Variants in CRTAM observed in about 807,000 individuals in gnomAD.
CRTAM encodes the protein cytotoxic and regulatory T-cell molecule.
A neutral mutation model predicts 50.0 loss-of-function variants in CRTAM; 44 were observed. That is an observed-to-expected ratio of 0.88 (90% CI 0.69 to 1.13). The LOEUF is 1.13. Among genes scored for constraint, CRTAM ranks in the 50% most tolerant of loss-of-function variants. The pLI is 0.00. For synonymous variants in CRTAM, 159 were observed against 169.3 expected (o/e 0.94, Z 0.47); for missense variants, 448 against 457.5 (o/e 0.98, Z 0.19).
intron 1 of CRTAM, among the ~76,000 whole-genome samples, chr11:122,844,485 T>C (rs1428663643): frequency 6.6e-6 from 1 of 152,244 alleles, no homozygotes; most frequent in Non-Finnish European, 1.5e-5. Flanking sequence ...TATTCTATCA[T>C]TGATTCCATG....
At chr11:122,861,735 C>A (rs1862085442) in intron 5 of CRTAM, among the ~76,000 whole-genome samples, 1 of 151,968 alleles carries the variant, frequency 6.6e-6, no homozygotes, top group Non-Finnish European at 1.5e-5. Flanking sequence ...GCCACTGTGC[C>A]CACCCGACAT....
rs1017473575 is a variant in CRTAM at position 122,871,346 on chromosome 11, C to T, written c.1129C>T (p.Gln377Ter). ...AAAAACAAAGAGGAAGGAAAATGTA[C>T]AACATTCAAAATTAGAAGAAAAGCA... ...EAKTKRKENV[Q>*]HSKLEEKHIQ... The change falls in exon 10 of 10, where the codon CAA becomes TAA. Residue 377 changes from glutamine to a stop codon, truncating the protein, a stop_gained. Transcript: ENST00000227348. LOFTEE classifies it high-confidence loss of function. 1.9e-6 allele frequency: 3 copies of T among 1,613,354 alleles called. No homozygotes were observed. Among genetic ancestry groups the T allele is most frequent in the South Asian group, 2.2e-5 (2 of 91,038 alleles).
intron 2 of CRTAM, 67 bp from the exon 3 acceptor site, chr11:122,851,626 A>C (rs1861930667): frequency 1.4e-6 from 2 of 1,466,156 alleles, no homozygotes; most frequent in East Asian, 4.5e-5. Context: ...TCTGGCATCT[A>C]CTGGGTAGAG....
chr11:122,852,716 C>A (rs1198424662), intron 3 of CRTAM, among the ~76,000 whole-genome samples: 3 of 152,102 alleles, frequency 2.0e-5, no homozygotes, highest in Non-Finnish European at 2.9e-5. Flanking sequence ...GCTTGTGTGC[C>A]CTTCTGGGCT....
At chr11:122,855,368 T>A (rs2135241218) in intron 4 of CRTAM, among the ~76,000 whole-genome samples, 1 of 152,362 alleles carries the variant, frequency 6.6e-6, no homozygotes, top group East Asian at 1.9e-4. Flanking sequence ...CAATTCTACT[T>A]CATTATAAGA....
chr11:122,841,383 C>T (rs1352763616), intron 1 of CRTAM, among the ~76,000 whole-genome samples: 1 of 148,878 alleles, frequency 6.7e-6, no homozygotes, highest in East Asian at 1.9e-4. Context: ...ATATTTATTC[C>T]TAAATATATA....
At chr11:122,841,951 G>A (rs1425539676) in intron 1 of CRTAM, among the ~76,000 whole-genome samples, 2 of 152,198 alleles carry the variant, frequency 1.3e-5, no homozygotes, top group Non-Finnish European at 2.9e-5. Context: ...TTTGACAAAA[G>A]TTGTGTAATT....
chr11:122,851,650 C>T lies in CRTAM; in HGVS notation c.194-43C>T, dbSNP rs752995262. On this transcript the variant is annotated intron_variant, in intron 2 of 9. Coordinates refer to ENST00000227348, the MANE Select transcript of CRTAM (RefSeq NM_019604.4). The stretch of plus-strand genomic sequence containing the variant: ...TACTGGGTAGAGGCCAACGATTCAT[C>T]GGATATCTTTCCTCATAACAGCTCT... 15 of 1,597,920 alleles carry T rather than the reference C, an allele frequency of 9.4e-6. No individual in the cohort carries two copies. In the East Asian group the frequency reaches 2.0e-4, roughly 21 times the overall value.
intron 7 of CRTAM, among the ~76,000 whole-genome samples, chr11:122,865,391 C>G (rs1273419643): frequency 6.7e-6 from 1 of 149,256 alleles, no homozygotes; most frequent in East Asian, 1.9e-4. Flanking sequence ...CCTGTTGCCA[C>G]TAGGCAAAAG....
chr11:122,850,094 A>G lies in CRTAM; in HGVS notation c.73A>G (p.Thr25Ala), dbSNP rs768769943. Residue 25 changes from threonine (T) to alanine (A), a missense_variant, in exon 2 of 10, where the codon ACC (threonine) becomes GCC (alanine). Transcript: ENST00000227348. The stretch of plus-strand genomic sequence containing the variant: ...GGCCTCTCTGACTAACCACACAGAA[A>G]CCATCACCGTGGAGGAAGGCCAGAC... ...QEASLTNHTE[T>A]ITVEEGQTLT... 1 of 1,612,592 alleles carries G rather than the reference A, an allele frequency of 6.2e-7. No individual in the cohort carries two copies. Among genetic ancestry groups the G allele is most frequent in the South Asian group, 1.1e-5 (1 of 90,922 alleles).
chr11:122,838,559 G>C lies in CRTAM; in HGVS notation c.13G>C (p.Val5Leu). The part of the protein sequence containing the change: MWWR[V>L]LSLLAWFPLQ... ...AGCACAGCACAGTATGTGGTGGAGA[G>C]TTCTCAGCTTGCTGGCATGGTTCCC... Residue 5 changes from valine (V) to leucine (L), a missense_variant, in exon 1 of 10, where the codon GTT becomes CTT. Val to Leu is a conservative substitution (Grantham distance 32). Transcript: ENST00000227348. 1 of 1,614,208 alleles carries C rather than the reference G, an allele frequency of 6.2e-7. No individual in the cohort carries two copies. The highest frequency in any genetic ancestry group is 8.5e-7 in the Non-Finnish European group (1 of 1,180,018).
At chr11:122,867,623 T>A (rs1862196830) in intron 8 of CRTAM, 68 bp downstream of exon 8, 1 of 1,498,082 alleles carries the variant, frequency 6.7e-7, no homozygotes, top group Admixed American at 2.0e-5. Flanking sequence ...AAAGGGAAAT[T>A]CTGTCCATTA....
intron 2 of CRTAM, among the ~76,000 whole-genome samples, chr11:122,850,883 T>C (rs1441887077): frequency 1.3e-5 from 2 of 152,234 alleles, no homozygotes; most frequent in Non-Finnish European, 2.9e-5. Context: ...TCATTTTATG[T>C]CTCCATTTAA....
In CRTAM at chr11:122,851,701, A is replaced by C; in HGVS notation, c.202A>C (p.Asn68His). 6.2e-7 allele frequency: 1 copy of C among 1,614,166 alleles called. No homozygotes were observed. The highest frequency in any genetic ancestry group is 8.5e-7 in the Non-Finnish European group (1 of 1,180,000). ...ATTTCCCTCTTGTACAGCTTTAAAA[A>C]ATTCCAAATACCAGCTTCTTCATCA... ...IFLNEYPALK[N>H]SKYQLLHHSA... Residue 68 changes from asparagine to histidine, a missense_variant, in exon 3 of 10, where the codon AAT becomes CAT. Transcript: ENST00000227348.
In CRTAM at chr11:122,864,719, G is replaced by C; in HGVS notation, c.817G>C (p.Glu273Gln). Residue 273 changes from glutamate to glutamine, a missense_variant and splice_region_variant, in exon 7 of 10, where the codon GAA becomes CAA. Glu to Gln is a conservative substitution (Grantham distance 29). Coordinates refer to ENST00000227348, the MANE Select transcript of CRTAM (RefSeq NM_019604.4). ...CACTCAAGATCCTGACTTGACCACC[G>C]GTAAGTGTCACCCACTGCATTTAGA... Reference protein sequence around the residue: ...QTTQDPDLTTEANPQYLGLAR... With the variant: ...QTTQDPDLTTQANPQYLGLAR... 1 of 1,606,964 alleles carries C rather than the reference G, an allele frequency of 6.2e-7. No homozygotes were observed. The highest frequency in any genetic ancestry group is 8.5e-7 in the Non-Finnish European group (1 of 1,173,672).
rs994202286 is a variant in CRTAM at position 122,854,146 on chromosome 11, A to C, written c.490+60A>C. 63 of 1,577,798 alleles carry C rather than the reference A, an allele frequency of 4.0e-5. No homozygotes were observed. In the Middle Eastern group the frequency reaches 2.4e-3, roughly 60 times the overall value. On this transcript the variant is annotated intron_variant, in intron 4 of 9. Coordinates refer to ENST00000227348, the MANE Select transcript of CRTAM (RefSeq NM_019604.4). Reference sequence around the variant, plus strand: ...CTACTCAAATTTCCAGGGGATTTTTAAATGTTTTGGCACCCTCTAGTGGCA... The same window carrying C: ...CTACTCAAATTTCCAGGGGATTTTTCAATGTTTTGGCACCCTCTAGTGGCA...
Position 122,855,749 on chromosome 11 carries a change from C to A in CRTAM, c.545C>A (p.Thr182Asn). Residue 182 changes from threonine (T) to asparagine (N), a missense_variant, in exon 5 of 10, where the codon ACT becomes AAT. Thr to Asn is a moderately conservative substitution (Grantham distance 65). Coordinates refer to ENST00000227348, the MANE Select transcript of CRTAM (RefSeq NM_019604.4). ...GGGAAGAAATGTAATACTACCAGCA[C>A]TCTCATAATCCACACTTATGGCAAA... ...TDGKKCNTTSTLIIHTYGKNS... is the reference protein window; with the variant it reads ...TDGKKCNTTSNLIIHTYGKNS... The A allele has an allele frequency of 6.2e-7, 1 of 1,613,974 alleles. No individual in the cohort carries two copies. The highest frequency in any genetic ancestry group is 1.1e-5 in the South Asian group (1 of 91,076).
chr11:122,850,571 C>T (rs922833915), intron 2 of CRTAM, among the ~76,000 whole-genome samples: 4 of 152,216 alleles, frequency 2.6e-5, no homozygotes, highest in African/African-American at 9.6e-5. Context: ...GCCCGATCCT[C>T]ATGCAACCAC....
At chr11:122,863,228 C>CGAAAGAAA (rs150041954) in intron 6 of CRTAM, among the ~76,000 whole-genome samples, 1,462 of 108,658 alleles carry the variant, frequency 0.013, 26 homozygotes, top group African/African-American at 0.043. Context: ...AAATGAATTA[C>CGAAAGAAA]GAAAGAAAGA....
Sources: gnomAD v4.1 joint callset for allele counts (sites outside exome capture counted in the v4.1 genomes callset) on GRCh38, gnomAD v4.1.1 for gene constraint, MANE v1.5 for transcripts, NCBI Gene and HGNC (gene_info 2026-07-23, HGNC 2026-07-21) for gene names.